NUP58: variants seen among roughly 807,000 people sequenced by gnomAD.
NUP58 encodes the protein nucleoporin 58, also known as nucleoporin p58/p45.
In NUP58, 17 loss-of-function variants were observed where a neutral mutation model predicts 70.1. The observed-to-expected ratio is 0.24, with a 90% confidence interval of 0.17 to 0.36. The LOEUF (loss-of-function observed/expected upper bound fraction) is 0.36, where lower values mean the gene tolerates loss of function less well. Among genes scored for constraint, NUP58 ranks in the 10% least tolerant of loss-of-function variants. NUP58 has a pLI of 1.00. For missense variants in NUP58, 644 were observed against 701.5 expected (o/e 0.92, Z 0.93); for synonymous variants, 275 against 257.6 (o/e 1.07, Z -0.65).
chr13:25,343,373 T>C (rs1285755381), downstream of NUP58, among the ~76,000 whole-genome samples: 1 of 151,878 alleles, frequency 6.6e-6, no homozygotes, highest in South Asian at 2.1e-4. Flanking sequence ...GTGCACAATG[T>C]GCAGGGTAGT....
chr13:25,310,187 A>G (rs2030584788), intron 3 of NUP58, among the ~76,000 whole-genome samples: 1 of 147,984 alleles, frequency 6.8e-6, no homozygotes, highest in African/African-American at 2.5e-5. Flanking sequence ...CTACAGGCAC[A>G]TACCACAACC....
chr13:25,317,198 C>T (rs564837620), intron 6 of NUP58, among the ~76,000 whole-genome samples: 1 of 152,126 alleles, frequency 6.6e-6, no homozygotes, highest in East Asian at 1.9e-4. Context: ...GACCTTGACC[C>T]TTTTGAGGAA....
intron 9 of NUP58, 92 bp from the exon 10 acceptor site, chr13:25,324,897 G>A (rs1412307989): frequency 1.8e-5 from 15 of 828,730 alleles, no homozygotes; most frequent in Non-Finnish European, 3.0e-5. Flanking sequence ...TGAAGTTTCA[G>A]TCCAGAGACT....
intron 13 of NUP58, chr13:25,335,355 G>T: frequency 1.0e-6 from 1 of 985,354 alleles, no homozygotes; most frequent in South Asian, 4.7e-5. Flanking sequence ...GAGGGCTGTG[G>T]TGTGCATTAT....
intron 9 of NUP58, among the ~76,000 whole-genome samples, chr13:25,321,456 A>G (rs1416839514): frequency 6.6e-6 from 1 of 152,362 alleles, no homozygotes; most frequent in East Asian, 1.9e-4. Context: ...GCTGTTAACT[A>G]ACTAGGTTTC....
Position 25,340,161 on chromosome 13 carries a change from C to A in NUP58, c.*27C>A. 1 of 1,563,658 alleles carries A rather than the reference C, an allele frequency of 6.4e-7. No individual in the cohort carries two copies. The highest frequency in any genetic ancestry group is 8.6e-7 in the Non-Finnish European group (1 of 1,156,372). ...CATGGGTTGATGTGTTGAGAGAATC[C>A]ATAGCAGCACCGTTCATTCTATGAG... On this transcript the variant is annotated 3_prime_UTR_variant, in exon 16 of 16. Transcript: ENST00000381736.
intron 13 of NUP58, chr13:25,332,131 A>T: frequency 1.0e-6 from 1 of 989,042 alleles, no homozygotes; most frequent in Non-Finnish European, 1.2e-6. Context: ...TACATGCTAG[A>T]ATTGTACCTT....
At chr13:25,328,459 G>C (rs1026712742) in intron 12 of NUP58, among the ~76,000 whole-genome samples, 1 of 142,262 alleles carries the variant, frequency 7.0e-6, no homozygotes, top group African/African-American at 2.6e-5. Context: ...TCAGTGGCAT[G>C]ATCTTGGTTC....
chr13:25,333,828 A>G (rs1314515953), intron 13 of NUP58: 1 of 985,284 alleles, frequency 1.0e-6, no homozygotes, highest in East Asian at 1.1e-4. Flanking sequence ...GAGGGTAGAG[A>G]GAGCTTATGC....
chr13:25,348,319 T>A (rs558082247), intron 3 of NUP58, among the ~76,000 whole-genome samples: 1 of 152,346 alleles, frequency 6.6e-6, no homozygotes, highest in African/African-American at 2.4e-5. Flanking sequence ...AAATTCACAC[T>A]GGATTTTGAA....
Position 25,310,060 on chromosome 13 carries a change from TCAGA to T in NUP58, c.286+782_286+785del, listed in dbSNP as rs962126068. ...TTCTTTTTTGCTTTTTTTTCCCCTA[TCAGA>T]CAGGTTCTTCCTCTGTTGCCCAGGC... On this transcript the variant is annotated intron_variant, in intron 3 of 15. Transcript: ENST00000381736. 30 of 382,686 alleles carry T rather than the reference TCAGA, an allele frequency of 7.8e-5. 1 individual carries two copies. In the Admixed American group the frequency reaches 9.2e-4, roughly 12 times the overall value. The allele number at this position is 382,686 out of a possible 1,614,324, so 23.7% of individuals were successfully genotyped here.
Position 25,326,892 on chromosome 13 carries a change from T to A in NUP58, c.1032-24T>A, listed in dbSNP as rs2031415784. 4.5e-6 allele frequency: 6 copies of A among 1,343,266 alleles called. No homozygotes were observed. In the African/African-American group the frequency reaches 8.8e-5, roughly 20 times the overall value. The allele number at this position is 1,343,266 out of a possible 1,614,324, so 83.2% of individuals were successfully genotyped here. ...CTCCAAATTAAAAAAATATTTGATC[T>A]GACTTTTTAAATGTTTTTTAAAGCT... On this transcript the variant is annotated intron_variant, in intron 10 of 15. Coordinates refer to ENST00000381736, the MANE Select transcript of NUP58 (RefSeq NM_014089.4).
chr13:25,344,031 A>G (rs1163124123), downstream of NUP58, among the ~76,000 whole-genome samples: 2 of 152,034 alleles, frequency 1.3e-5, no homozygotes, highest in African/African-American at 2.4e-5. Context: ...TCCTACCAGC[A>G]TGTATATCCA....
downstream of NUP58, among the ~76,000 whole-genome samples, chr13:25,347,056 A>G (rs1280693257): frequency 6.6e-6 from 1 of 152,136 alleles, no homozygotes; most frequent in East Asian, 1.9e-4. Flanking sequence ...CATGAAATTC[A>G]TTTATGTTTT....
chr13:25,344,151 A>G (rs139478920), downstream of NUP58, among the ~76,000 whole-genome samples: 1,311 of 152,166 alleles, frequency 8.6e-3, 21 homozygotes, highest in African/African-American at 0.029. Context: ...GTAATTGCTT[A>G]TTATATCCTT....
At chr13:25,326,781 A>G (rs2137796744) in intron 10 of NUP58, 135 bp from the exon 11 acceptor site, 2 of 480,246 alleles carry the variant, frequency 4.2e-6, no homozygotes, top group Non-Finnish European at 7.4e-6. Flanking sequence ...AGTCACAGTT[A>G]TTCAGTCCTT....
intron 3 of NUP58, among the ~76,000 whole-genome samples, chr13:25,349,403 A>T (rs1162638061): frequency 6.6e-6 from 1 of 152,212 alleles, no homozygotes; most frequent in Admixed American, 6.5e-5. Context: ...TTTGTGCCTC[A>T]TTAGTAAAAT....
intron 12 of NUP58, among the ~76,000 whole-genome samples, chr13:25,328,649 G>A (rs1324694504): frequency 2.0e-5 from 3 of 151,804 alleles, no homozygotes; most frequent in African/African-American, 7.3e-5. Flanking sequence ...CTCCCTCCTC[G>A]GCCTCCCAAA....
chr13:25,344,029 G>A (rs961974850), downstream of NUP58, among the ~76,000 whole-genome samples: 13 of 151,864 alleles, frequency 8.6e-5, no homozygotes, highest in African/African-American at 2.7e-4. Context: ...ACTCCTACCA[G>A]CATGTATATC....
Sources: allele counts gnomAD v4.1 joint callset (sites outside exome capture counted in the v4.1 genomes callset), GRCh38; gene constraint gnomAD v4.1.1; transcripts MANE v1.5; gene names NCBI Gene and HGNC (gene_info 2026-07-23, HGNC 2026-07-21).